Variants in SLC7A11 observed in about 807,000 individuals in gnomAD.
SLC7A11 encodes solute carrier family 7 member 11.
SLC7A11 carries 35 observed loss-of-function variants against 54.5 expected under a neutral mutation model. The observed-to-expected ratio is 0.64, with a 90% CI of 0.49 to 0.85. The LOEUF is 0.85. SLC7A11 is among the 40% of genes least tolerant of loss of function. SLC7A11 has a pLI of 0.00. For missense variants in SLC7A11, 583 were observed against 618.1 expected (o/e 0.94, Z 0.60); for synonymous variants, 230 against 225.2 (o/e 1.02, Z -0.19).
intron 2 of SLC7A11, among the ~76,000 whole-genome samples, chr4:138,235,261 AT>A (rs1044377518): frequency 1.3e-5 from 2 of 152,196 alleles, no homozygotes; most frequent in African/African-American, 2.4e-5. Context: ...ACCAAAAGGA[AT>A]AGAAGTGCAT....
intron 6 of SLC7A11, among the ~76,000 whole-genome samples, chr4:138,191,438 A>G (rs1321199129): frequency 2.0e-5 from 3 of 152,200 alleles, no homozygotes; most frequent in Non-Finnish European, 2.9e-5. Flanking sequence ...GTAAGAAATG[A>G]ACAGACAAAG....
chr4:138,238,049 G>A (rs1006582835), intron 1 of SLC7A11, among the ~76,000 whole-genome samples: 5 of 151,836 alleles, frequency 3.3e-5, no homozygotes, highest in African/African-American at 9.7e-5. Flanking sequence ...CACTGCGCCC[G>A]GCCCAGAATA....
rs1326580751 is a variant in SLC7A11 at position 138,165,405 on chromosome 4, CT to C, written c.*6550del. 1 of 152,538 alleles carries C rather than the reference CT, an allele frequency of 6.6e-6. No individual in the cohort carries two copies. The highest frequency in any genetic ancestry group is 1.5e-5 in the Non-Finnish European group (1 of 67,998). The allele number at this position is 152,538 out of a possible 1,614,324, so 9.4% of individuals were successfully genotyped here. A position where few individuals can be genotyped will look rare whatever the true frequency, so the allele number is the denominator to read the frequency against. ...CAGTACAAGAGGCCATTTGTCTTGC[CT>C]TTTTCTGACATGTGCATACTATAAA... On this transcript the variant is annotated 3_prime_UTR_variant, in exon 12 of 12. Coordinates refer to ENST00000280612, the MANE Select transcript of SLC7A11 (RefSeq NM_014331.4).
At chr4:138,213,594 T>C (rs570919397) in intron 6 of SLC7A11, among the ~76,000 whole-genome samples, 1 of 151,790 alleles carries the variant, frequency 6.6e-6, no homozygotes, top group East Asian at 1.9e-4. Context: ...CATTTATATT[T>C]ACCTAAGGAA....
chr4:138,200,428 T>C (rs985149089), intron 6 of SLC7A11, among the ~76,000 whole-genome samples: 2 of 152,184 alleles, frequency 1.3e-5, no homozygotes, highest in African/African-American at 4.8e-5. Flanking sequence ...CTAACAGCTT[T>C]AGAAAGTCAA....
At chr4:138,208,640 G>T (rs914061791) in intron 6 of SLC7A11, among the ~76,000 whole-genome samples, 7 of 151,872 alleles carry the variant, frequency 4.6e-5, no homozygotes, top group Admixed American at 1.3e-4. Flanking sequence ...TGCCATTTTT[G>T]GGGGGAAAGC....
At chr4:138,219,414 T>C (rs1044403163) in intron 4 of SLC7A11, 49 bp from the exon 5 acceptor site, 3 of 1,082,288 alleles carry the variant, frequency 2.8e-6, no homozygotes, top group Non-Finnish European at 4.3e-6. Context: ...AATTGGTTCT[T>C]ATTCACTCTT....
At position 138,215,780 on chromosome 4, in the gene SLC7A11, A is replaced by G. The variant is rs528093147; in HGVS notation, c.747-1151T>C. The stretch of plus-strand genomic sequence containing the variant: ...AGAAAAAAAAACACATGCACACTAA[A>G]AAACAAACACCACCACCAATGAAAA... On this transcript the variant is annotated intron_variant, in intron 5 of 11. Coordinates refer to ENST00000280612, the MANE Select transcript of SLC7A11 (RefSeq NM_014331.4). 4.6e-5 allele frequency among the ~76,000 whole-genome samples: 7 copies of G among 152,222 alleles called. No homozygotes were observed. In the East Asian group the frequency reaches 1.4e-3, roughly 29 times the overall value.
intron 6 of SLC7A11, among the ~76,000 whole-genome samples, chr4:138,206,029 G>A (rs1352955855): frequency 6.6e-6 from 1 of 151,890 alleles, no homozygotes; most frequent in Non-Finnish European, 1.5e-5. Flanking sequence ...AAGTAAAAAA[G>A]GCTGATAGCC....
At chr4:138,209,453 T>C (rs2148434932) in intron 6 of SLC7A11, among the ~76,000 whole-genome samples, 1 of 152,134 alleles carries the variant, frequency 6.6e-6, no homozygotes, top group Admixed American at 6.6e-5. Context: ...CTGGGCTAAG[T>C]CCACATAATT....
intron 6 of SLC7A11, among the ~76,000 whole-genome samples, chr4:138,199,694 C>G (rs1459934964): frequency 6.6e-6 from 1 of 152,084 alleles, no homozygotes; most frequent in African/African-American, 2.4e-5. Flanking sequence ...TTTTAGAGAA[C>G]AGGAAATACC....
Position 138,168,383 on chromosome 4 carries a change from G to A in SLC7A11, c.*3573C>T, listed in dbSNP as rs1367850898. On this transcript the variant is annotated 3_prime_UTR_variant, in exon 12 of 12. Coordinates refer to ENST00000280612, the MANE Select transcript of SLC7A11 (RefSeq NM_014331.4). The stretch of plus-strand genomic sequence containing the variant: ...TTCATTTCCTGATTCTCTGGCCTTC[G>A]GTTTTTTATCTTTTCATACCTTATA... 1 of 152,000 alleles carries A rather than the reference G, an allele frequency of 6.6e-6. No homozygotes were observed. Among genetic ancestry groups the A allele is most frequent in the Non-Finnish European group, 1.5e-5 (1 of 68,016 alleles). The allele number at this position is 152,000 out of a possible 1,614,324, so 9.4% of individuals were successfully genotyped here.
chr4:138,240,412 G>A (rs11724121), intron 1 of SLC7A11, among the ~76,000 whole-genome samples: 149,113 of 152,024 alleles, frequency 0.98, 73,194 homozygotes, highest in South Asian at 1. Context: ...TAAAAAATAC[G>A]AAAAATAAGC....
At position 138,165,568 on chromosome 4, in the gene SLC7A11, TC is replaced by T. The variant is rs1736234801; in HGVS notation, c.*6387del. ...CATATGATGCTCATATTTGCAAAGT[TC>T]CCAAATGTTGAGAAGTTCTAGTGAA... On this transcript the variant is annotated 3_prime_UTR_variant, in exon 12 of 12. Coordinates refer to ENST00000280612, the MANE Select transcript of SLC7A11 (RefSeq NM_014331.4). The T allele has an allele frequency of 6.6e-6, 1 of 152,210 alleles. No individual in the cohort carries two copies. Among genetic ancestry groups the T allele is most frequent in the Non-Finnish European group, 1.5e-5 (1 of 68,006 alleles). The allele number at this position is 152,210 out of a possible 1,614,324, so 9.4% of individuals were successfully genotyped here. A position where few individuals can be genotyped will look rare whatever the true frequency, so the allele number is the denominator to read the frequency against.
chr4:138,190,889 T>C (rs886638846), intron 6 of SLC7A11, among the ~76,000 whole-genome samples: 1 of 152,092 alleles, frequency 6.6e-6, no homozygotes, highest in African/African-American at 2.4e-5. Flanking sequence ...GGACTACAGA[T>C]GACTGAGAGC....
At position 138,190,827 on chromosome 4, in the gene SLC7A11, G is replaced by A. The variant is rs565034937; in HGVS notation, c.792-5583C>T. On this transcript the variant is annotated intron_variant, in intron 6 of 11. Coordinates refer to ENST00000280612, the MANE Select transcript of SLC7A11 (RefSeq NM_014331.4). ...TCTGACATTTCTAGCAGGGATTGAAGTACAAGTAAGCGTTCAAGAAAACAA... is the reference window on the plus strand; with the variant it reads ...TCTGACATTTCTAGCAGGGATTGAAATACAAGTAAGCGTTCAAGAAAACAA... Among the ~76,000 whole-genome samples, 118 of 152,210 alleles carry A rather than the reference G, an allele frequency of 7.8e-4. 2 individuals carry two copies. In the South Asian group the frequency reaches 0.015, roughly 20 times the overall value.
chr4:138,215,529 G>A (rs377264031), intron 5 of SLC7A11, among the ~76,000 whole-genome samples: 5 of 152,110 alleles, frequency 3.3e-5, no homozygotes, highest in Admixed American at 2.6e-4. Context: ...ACTGTTTTAA[G>A]TAGAAATAAT....
At chr4:138,183,590 G>A (rs1470796198) in intron 7 of SLC7A11, among the ~76,000 whole-genome samples, 1 of 152,102 alleles carries the variant, frequency 6.6e-6, no homozygotes, top group Admixed American at 6.6e-5. Flanking sequence ...CAACTATGAT[G>A]TGTATTGTCT....
chr4:138,178,897 T>C (rs1334103462), intron 11 of SLC7A11, among the ~76,000 whole-genome samples: 2 of 152,114 alleles, frequency 1.3e-5, no homozygotes, highest in Non-Finnish European at 2.9e-5. Flanking sequence ...GCATTCAAAC[T>C]AGAAGGAAAA....
Sources: allele counts gnomAD v4.1 joint callset (sites outside exome capture counted in the v4.1 genomes callset), GRCh38; gene constraint gnomAD v4.1.1; transcripts MANE v1.5; gene names NCBI Gene and HGNC (gene_info 2026-07-23, HGNC 2026-07-21).